The following DCAF8L2 variants were observed in gnomAD, a reference collection of about 807,000 sequenced individuals.
DCAF8L2 encodes DDB1- and CUL4-associated factor 8-like protein 2.
For synonymous variants in DCAF8L2, 200 were observed against 190.9 expected (o/e 1.05, Z -0.39); for missense variants, 430 against 490.7 (o/e 0.88, Z 1.17).
intron 1 of DCAF8L2, among the ~76,000 whole-genome samples, chrX:27,627,925 T>TA (rs34205237): frequency 0.36 from 33,172 of 93,268 alleles, 4,900 homozygotes; most frequent in Middle Eastern, 0.43. Flanking sequence ...AGACTCCATC[T>TA]AAAAAAAAAA....
intron 1 of DCAF8L2, among the ~76,000 whole-genome samples, chrX:27,592,417 G>GTTTTTTTTTT (rs1248208449): frequency 1.7e-4 from 14 of 83,944 alleles, no homozygotes; most frequent in Non-Finnish European, 2.4e-4. Context: ...GTTTGTTTTT[G>GTTTTTTTTTT]TTTTTTTTTT....
chrX:27,644,795 G>A lies in DCAF8L2; in HGVS notation c.-220+12795G>A, dbSNP rs1053690585. 6.3e-5 allele frequency among the ~76,000 whole-genome samples: 7 copies of A among 111,676 alleles called. No homozygotes were observed. The East Asian group carries it at 1.1e-3, about 18-fold the overall frequency. ...TTTTGAGATGGAGTCTTGCTCTGTC[G>A]CCAGGCTGGAGTGCAGTGGCGCAAT... On this transcript the variant is annotated intron_variant, in intron 2 of 4. Coordinates refer to ENST00000451261, the MANE Select transcript of DCAF8L2 (RefSeq NM_001353450.2).
intron 3 of DCAF8L2, among the ~76,000 whole-genome samples, chrX:27,706,624 A>G (rs943474143): frequency 8.9e-6 from 1 of 112,047 alleles, no homozygotes; most frequent in Non-Finnish European, 1.9e-5. Context: ...TTAAAAAGGC[A>G]CAATGAAAAG....
At chrX:27,555,507 CTGT>C in the DCAF8L2 span, among the ~76,000 whole-genome samples, 1 of 111,998 alleles carries the variant, frequency 8.9e-6, no homozygotes, top group Admixed American at 9.4e-5. Context: ...CATTTAGCTA[CTGT>C]TGTTGTCAAA....
At chrX:27,510,762 A>G in the DCAF8L2 span, among the ~76,000 whole-genome samples, 2 of 111,070 alleles carry the variant, frequency 1.8e-5, no homozygotes, top group African/African-American at 6.5e-5. Flanking sequence ...TTGAAAAATG[A>G]CATCCATCTG....
intron 1 of DCAF8L2, among the ~76,000 whole-genome samples, chrX:27,623,972 T>C (rs1236265381): frequency 8.9e-6 from 1 of 112,018 alleles, no homozygotes; most frequent in Non-Finnish European, 1.9e-5. Context: ...GTGCATTTAC[T>C]TATGTTATCT....
chrX:27,499,838 G>GT, the DCAF8L2 span, among the ~76,000 whole-genome samples: 6 of 96,738 alleles, frequency 6.2e-5, no homozygotes, highest in Admixed American at 3.2e-4. Flanking sequence ...TTTGGTGGTG[G>GT]GGGGGGGTAC....
At chrX:27,731,303 C>T (rs1266816188) in intron 4 of DCAF8L2, among the ~76,000 whole-genome samples, 2 of 111,008 alleles carry the variant, frequency 1.8e-5, no homozygotes, top group African/African-American at 6.5e-5. Context: ...CCCAGCTATT[C>T]GGGTGGCTGA....
At chrX:27,610,562 A>G (rs1411186660) in intron 1 of DCAF8L2, among the ~76,000 whole-genome samples, 1 of 112,208 alleles carries the variant, frequency 8.9e-6, no homozygotes, top group African/African-American at 3.2e-5. Flanking sequence ...GAATTTGTCC[A>G]TATTTTGATA....
the DCAF8L2 span, among the ~76,000 whole-genome samples, chrX:27,552,603 T>G: frequency 8.9e-6 from 1 of 111,993 alleles, no homozygotes; most frequent in African/African-American, 3.2e-5. Flanking sequence ...ATCAGTTGGC[T>G]CTAGATACAT....
intron 3 of DCAF8L2, among the ~76,000 whole-genome samples, chrX:27,701,210 C>T (rs1931117924): frequency 9.0e-6 from 1 of 110,603 alleles, no homozygotes; most frequent in African/African-American, 3.3e-5. Context: ...TTTAAAGAGT[C>T]CAAAGAAACA....
the DCAF8L2 span, among the ~76,000 whole-genome samples, chrX:27,531,752 T>C: frequency 9.0e-6 from 1 of 111,270 alleles, no homozygotes; most frequent in East Asian, 2.9e-4. Context: ...TGTTTGAGAA[T>C]AGATTCTGGT....
chrX:27,510,120 G>A, the DCAF8L2 span, among the ~76,000 whole-genome samples: 1 of 111,083 alleles, frequency 9.0e-6, no homozygotes, highest in Non-Finnish European at 1.9e-5. Context: ...GTCATCAAAG[G>A]AATAGGCTAA....
At chrX:27,691,092 G>C (rs749765854) in intron 3 of DCAF8L2, among the ~76,000 whole-genome samples, 3 of 111,357 alleles carry the variant, frequency 2.7e-5, no homozygotes, top group Admixed American at 9.6e-5. Context: ...CACATTTATC[G>C]TTCTATCAGA....
chrX:27,469,329 T>C, the DCAF8L2 span, among the ~76,000 whole-genome samples: 1 of 111,851 alleles, frequency 8.9e-6, no homozygotes, highest in African/African-American at 3.2e-5. Context: ...CCTACCTTGA[T>C]CATCAAGAAT....
the DCAF8L2 span, among the ~76,000 whole-genome samples, chrX:27,477,498 A>G: frequency 1.8e-5 from 2 of 111,322 alleles, no homozygotes; most frequent in Non-Finnish European, 3.8e-5. Context: ...CGTGTTAGCC[A>G]GGATGGTCTC....
At chrX:27,474,253 G>A in the DCAF8L2 span, among the ~76,000 whole-genome samples, 1 of 112,155 alleles carries the variant, frequency 8.9e-6, no homozygotes, top group East Asian at 2.8e-4. Flanking sequence ...AAAGTGCAAT[G>A]ATATATATTT....
chrX:27,691,162 T>A lies in DCAF8L2; in HGVS notation c.-143+13250T>A, dbSNP rs369003744. Among the ~76,000 whole-genome samples, 4 of 111,667 alleles carry A rather than the reference T, an allele frequency of 3.6e-5. No homozygotes were observed. In the East Asian group the frequency reaches 1.1e-3, roughly 31 times the overall value. On this transcript the variant is annotated intron_variant, in intron 3 of 4. Transcript: ENST00000451261. ...AAATATCAAACATTTAAGATCTAAA[T>A]CAAATTGCAGCAATTCATTAACATG...
chrX:27,598,528 C>T (rs1287244323), intron 1 of DCAF8L2, among the ~76,000 whole-genome samples: 1 of 112,453 alleles, frequency 8.9e-6, no homozygotes, highest in Non-Finnish European at 1.9e-5. Context: ...TAAGCAATTG[C>T]TACAAAAGCA....
Sources: gnomAD v4.1 joint callset for allele counts (sites outside exome capture counted in the v4.1 genomes callset) on GRCh38, gnomAD v4.1.1 for gene constraint, MANE v1.5 for transcripts, NCBI Gene and HGNC (gene_info 2026-07-23, HGNC 2026-07-21) for gene names.